KIAA0825: variants seen among roughly 807,000 people sequenced by gnomAD.
KIAA0825 encodes the protein uncharacterized protein KIAA0825.
A neutral mutation model predicts 147.6 loss-of-function variants in KIAA0825; 119 were observed. The ratio of observed to expected loss-of-function variants is 0.81; its 90% CI spans 0.69 to 0.94. The LOEUF is 0.94. KIAA0825 is among the 40% of genes least tolerant of loss of function. The pLI, the probability that KIAA0825 is intolerant of heterozygous loss-of-function variation, is 0.00. For missense variants in KIAA0825, 1,381 were observed against 1,472.7 expected (o/e 0.94, Z 1.02); for synonymous variants, 470 against 518.1 (o/e 0.91, Z 1.26).
chr5:94,503,867 G>A (rs1438709163), intron 5 of KIAA0825, among the ~76,000 whole-genome samples: 1 of 152,184 alleles, frequency 6.6e-6, no homozygotes, highest in African/African-American at 2.4e-5. Context: ...CTTCCAGGAA[G>A]CTAGCCATCT....
intron 20 of KIAA0825, among the ~76,000 whole-genome samples, chr5:94,323,359 T>G (rs1780378110): frequency 6.6e-6 from 1 of 151,934 alleles, no homozygotes; most frequent in Non-Finnish European, 1.5e-5. Context: ...TAAAACATTT[T>G]GAAAGGATGT....
chr5:94,218,876 T>TTTG (rs140345076), intron 20 of KIAA0825, among the ~76,000 whole-genome samples: 9 of 152,284 alleles, frequency 5.9e-5, no homozygotes, highest in Admixed American at 5.9e-4. Context: ...CCCACAGATT[T>TTTG]TTGTTGTTGT....
intron 20 of KIAA0825, among the ~76,000 whole-genome samples, chr5:94,184,762 A>G (rs1013300629): frequency 2.0e-5 from 3 of 152,332 alleles, no homozygotes; most frequent in Non-Finnish European, 4.4e-5. Context: ...GTTTAAATGC[A>G]AAGATCAGAG....
chr5:94,594,715 A>G, intron 1 of KIAA0825: 1 of 630,896 alleles, frequency 1.6e-6, no homozygotes, highest in South Asian at 1.4e-5. Flanking sequence ...TTTGAATGGA[A>G]CTCTATGGCA....
intron 14 of KIAA0825, among the ~76,000 whole-genome samples, chr5:94,427,886 C>T (rs1385509663): frequency 2.6e-5 from 4 of 151,994 alleles, no homozygotes; most frequent in Admixed American, 2.6e-4. Context: ...CCTGGGTGCT[C>T]CAATGTTGAG....
At chr5:94,269,586 G>A (rs1776892055) in intron 20 of KIAA0825, among the ~76,000 whole-genome samples, 1 of 151,994 alleles carries the variant, frequency 6.6e-6, no homozygotes, top group Admixed American at 6.6e-5. Flanking sequence ...AAGGAATTAA[G>A]AGAGAAATTA....
At chr5:94,291,989 T>C (rs991435565) in intron 20 of KIAA0825, among the ~76,000 whole-genome samples, 2 of 152,216 alleles carry the variant, frequency 1.3e-5, no homozygotes, top group African/African-American at 2.4e-5. Context: ...TGAAGTTGCT[T>C]ATCAGCTTAA....
chr5:94,512,422 A>G (rs2151170134), intron 5 of KIAA0825, among the ~76,000 whole-genome samples: 1 of 152,240 alleles, frequency 6.6e-6, no homozygotes, highest in African/African-American at 2.4e-5. Context: ...ACATTTTAAT[A>G]TGAAACAACA....
chr5:94,398,081 G>C (rs969491555), intron 16 of KIAA0825, among the ~76,000 whole-genome samples: 1 of 146,848 alleles, frequency 6.8e-6, no homozygotes, highest in Non-Finnish European at 1.5e-5. Flanking sequence ...TTGATATATA[G>C]TTCTACCCCT....
chr5:94,609,687 C>T (rs1052604644), intron 1 of KIAA0825, among the ~76,000 whole-genome samples: 2 of 151,988 alleles, frequency 1.3e-5, no homozygotes, highest in Admixed American at 6.6e-5. Flanking sequence ...ACTGAGCCTA[C>T]GGGAGGCTGA....
intron 20 of KIAA0825, among the ~76,000 whole-genome samples, chr5:94,168,502 A>C (rs1768278723): frequency 6.6e-6 from 1 of 152,222 alleles, no homozygotes; most frequent in Non-Finnish European, 1.5e-5. Flanking sequence ...AAGAATGCTA[A>C]CAGTAACATT....
At chr5:94,320,398 C>T (rs1464110166) in intron 20 of KIAA0825, among the ~76,000 whole-genome samples, 1 of 150,152 alleles carries the variant, frequency 6.7e-6, no homozygotes, top group Non-Finnish European at 1.5e-5. Context: ...ACTATTGTCA[C>T]CCTACTCTAC....
At chr5:94,271,837 T>A (rs947945173) in intron 20 of KIAA0825, among the ~76,000 whole-genome samples, 3 of 152,074 alleles carry the variant, frequency 2.0e-5, no homozygotes, top group African/African-American at 7.2e-5. Flanking sequence ...AGAATGGAAA[T>A]CATTATGTAG....
At chr5:94,237,851 C>T (rs910621421) in intron 20 of KIAA0825, among the ~76,000 whole-genome samples, 4 of 152,146 alleles carry the variant, frequency 2.6e-5, no homozygotes, top group African/African-American at 9.7e-5. Flanking sequence ...GGAGGTGGCC[C>T]TGTAGATTAG....
rs191270212 is a variant in KIAA0825, at chr5:94,578,491, C to T, written c.-2+3942G>A. Among the ~76,000 whole-genome samples the T allele has an allele frequency of 4.0e-3, 612 of 152,228 alleles. 3 individuals carry two copies. The highest frequency in any genetic ancestry group is 7.5e-3 in the Non-Finnish European group (508 of 68,012). ...CTTAGATGTTGGAACAATTACCTGC[C>T]TCTATATAAATGCTTTCTGTTTATG... On this transcript the variant is annotated intron_variant, in intron 2 of 20. Coordinates refer to ENST00000682413, the MANE Select transcript of KIAA0825 (RefSeq NM_001145678.3).
At position 94,547,669 on chromosome 5, in the gene KIAA0825, G is replaced by T. The variant is rs1020804254; in HGVS notation, c.-1-10542C>A. 3.0e-4 allele frequency among the ~76,000 whole-genome samples: 44 copies of T among 148,946 alleles called. 1 individual carries two copies. Among genetic ancestry groups the T allele is most frequent in the African/African-American group, 1.1e-3 (43 of 39,784 alleles). On this transcript the variant is annotated intron_variant, in intron 2 of 20. Transcript: ENST00000682413. ...GGAGAATCACTTGAACCCGGGAGGCGGAGGTTGCAGTGAGCCAAGATTGAG... is the reference window on the plus strand; with the variant it reads ...GGAGAATCACTTGAACCCGGGAGGCTGAGGTTGCAGTGAGCCAAGATTGAG...
At chr5:94,558,755 T>C (rs762973062) in intron 2 of KIAA0825, among the ~76,000 whole-genome samples, 14 of 152,202 alleles carry the variant, frequency 9.2e-5, no homozygotes, top group Non-Finnish European at 1.5e-4. Flanking sequence ...CCTCCCCTTC[T>C]TCTCTGAAGC....
At chr5:94,390,877 A>G (rs944259250) in intron 18 of KIAA0825, among the ~76,000 whole-genome samples, 2 of 152,264 alleles carry the variant, frequency 1.3e-5, no homozygotes, top group African/African-American at 4.8e-5. Flanking sequence ...AGATGCCACA[A>G]TCTAATTCAG....
At chr5:94,272,933 C>T (rs1777058524) in intron 20 of KIAA0825, among the ~76,000 whole-genome samples, 1 of 152,188 alleles carries the variant, frequency 6.6e-6, no homozygotes, top group Non-Finnish European at 1.5e-5. Flanking sequence ...ATCCTCAGAA[C>T]ATAGCTCAGT....
Sources: allele counts gnomAD v4.1 joint callset (sites outside exome capture counted in the v4.1 genomes callset), GRCh38; gene constraint gnomAD v4.1.1; transcripts MANE v1.5; gene names NCBI Gene and HGNC (gene_info 2026-07-23, HGNC 2026-07-21).